ARSF: variants seen among roughly 807,000 people sequenced by gnomAD.
ARSF encodes arylsulfatase F.
ARSF carries 33 observed loss-of-function variants against 35.4 expected under a neutral mutation model. That is an observed-to-expected ratio of 0.93 (90% CI 0.71 to 1.25). The LOEUF (loss-of-function observed/expected upper bound fraction) is 1.25, where lower values mean the gene tolerates loss of function less well. ARSF is among the 50% of genes most tolerant of loss of function. The pLI, the probability that ARSF is intolerant of heterozygous loss-of-function variation, is 0.00. For missense variants in ARSF, 501 were observed against 480.2 expected, an observed-to-expected ratio of 1.04 and a Z score of -0.40; for synonymous variants, 222 against 193.1, an observed-to-expected ratio of 1.15 and a Z score of -1.24.
chrX:3,063,434 AGT>A (rs898171896), intron 1 of ARSF, among the ~76,000 whole-genome samples: 1 of 111,762 alleles, frequency 8.9e-6, no homozygotes, highest in Non-Finnish European at 1.9e-5. Flanking sequence ...TATTCAACAT[AGT>A]GTTGGAAGTT....
Position 3,085,233 on chromosome X carries a change from T to C in ARSF, c.830+567T>C, listed in dbSNP as rs182080846. ...ATTGTTTACGTTAATTTACAATGCA[T>C]CTTGTCATCATGTTAACTTACAACA... On this transcript the variant is annotated intron_variant, in intron 6 of 10. Coordinates refer to ENST00000381127, the MANE Select transcript of ARSF (RefSeq NM_001201539.2). 1.2e-4 allele frequency among the ~76,000 whole-genome samples: 13 copies of C among 108,741 alleles called. No homozygotes were observed. The East Asian group carries it at 2.5e-3, about 21-fold the overall frequency. The allele number at this position is 108,741 out of a possible 115,157, so 94.4% of individuals were successfully genotyped here.
chrX:3,078,106 A>G (rs1220589208), intron 4 of ARSF, among the ~76,000 whole-genome samples: 2 of 109,986 alleles, frequency 1.8e-5, no homozygotes, highest in East Asian at 5.7e-4. Context: ...ACCCGGCCAT[A>G]TATCAATTTT....
In ARSF at chrX:3,060,373, G is replaced by C. The variant is rs188040129; in HGVS notation, c.-28-7700G>C. Among the ~76,000 whole-genome samples, 5 of 112,289 alleles carry C rather than the reference G, an allele frequency of 4.5e-5. No individual in the cohort carries two copies. In the East Asian group the frequency reaches 1.4e-3, roughly 32 times the overall value. On this transcript the variant is annotated intron_variant, in intron 1 of 10. Coordinates refer to ENST00000381127, the MANE Select transcript of ARSF (RefSeq NM_001201539.2). ...GATGGAGAGAAACCAGAGCAGAAAA[G>C]CTGAAAATTCTAAAAACCAGAGTGC...
chrX:3,111,251 G>A (rs1442036294), intron 10 of ARSF, among the ~76,000 whole-genome samples: 2 of 110,458 alleles, frequency 1.8e-5, no homozygotes, highest in Non-Finnish European at 3.8e-5. Context: ...ATCAATTCTA[G>A]GCAGACTAAA....
intron 3 of ARSF, among the ~76,000 whole-genome samples, chrX:3,074,941 C>T (rs964279255): frequency 3.5e-4 from 39 of 111,851 alleles, no homozygotes; most frequent in African/African-American, 1.3e-3. Context: ...TGAGATCATG[C>T]GGTATTTGTC....
intron 1 of ARSF, chrX:3,058,639 G>A (rs1341833589): frequency 9.3e-6 from 3 of 323,430 alleles, no homozygotes; most frequent in Non-Finnish European, 1.8e-5. Flanking sequence ...GATTCTTTGA[G>A]GCCAGGAGTT....
At chrX:3,112,092 C>T (rs1313477283) in intron 10 of ARSF, 82 bp from the exon 11 acceptor site, 10 of 877,621 alleles carry the variant, frequency 1.1e-5, no homozygotes, top group African/African-American at 4.1e-5. Flanking sequence ...GACTGGGGAC[C>T]CCTGCTATAG....
At chrX:3,043,929 G>A (rs1479722318) in intron 1 of ARSF, among the ~76,000 whole-genome samples, 1 of 110,842 alleles carries the variant, frequency 9.0e-6, no homozygotes, top group Non-Finnish European at 1.9e-5. Flanking sequence ...GGAACCACAG[G>A]TGCATACTAT....
chrX:3,075,903 A>C (rs866703215), intron 3 of ARSF, among the ~76,000 whole-genome samples: 4 of 53,362 alleles, frequency 7.5e-5, no homozygotes, highest in Admixed American at 2.1e-4. Context: ...CTCTCTCTGT[A>C]TCTCTCTCTG....
intron 7 of ARSF, among the ~76,000 whole-genome samples, chrX:3,098,567 C>T (rs1254178694): frequency 1.8e-5 from 2 of 110,632 alleles, no homozygotes; most frequent in Non-Finnish European, 3.8e-5. Flanking sequence ...AGGGGAAACT[C>T]CTTTTGCTTG....
At position 3,068,107 on chromosome X, in the gene ARSF, C is replaced by T. The variant is rs867626248; in HGVS notation, c.7C>T (p.Pro3Ser). 1.5e-5 allele frequency: 18 copies of T among 1,199,442 alleles called. No individual in the cohort carries two copies. The Admixed American group carries it at 3.1e-4, about 21-fold the overall frequency. MR[P>S]RRPLVFMSLV... ...AGGTATTCCAAGCTGCACAATGAGG[C>T]CCAGGTAGGTAAAGCCATATACTGC... Residue 3 changes from proline to serine, a missense_variant, in exon 2 of 11, where the codon CCC becomes TCC. By Grantham distance (74) the Pro-to-Ser change is moderately conservative. Transcript: ENST00000381127.
At chrX:3,085,243 A>G (rs938286267) in intron 6 of ARSF, among the ~76,000 whole-genome samples, 6 of 108,684 alleles carry the variant, frequency 5.5e-5, no homozygotes, top group African/African-American at 1.7e-4. Flanking sequence ...TCTTGTCATC[A>G]TGTTAACTTA....
Position 3,067,963 on chromosome X carries a change from C to G in ARSF, c.-28-110C>G, listed in dbSNP as rs753367884. ...AAATGTCGGAATTAGGGATATGGCT[C>G]ACAAGTCTAGTGTGAATTTCATGCT... On this transcript the variant is annotated intron_variant, in intron 1 of 10. Coordinates refer to ENST00000381127, the MANE Select transcript of ARSF (RefSeq NM_001201539.2). 35 of 513,286 alleles carry G rather than the reference C, an allele frequency of 6.8e-5. No homozygotes were observed. The African/African-American group carries it at 8.2e-4, about 12-fold the overall frequency. The allele number at this position is 513,286 out of a possible 1,213,427, so 42.3% of individuals were successfully genotyped here. A position where few individuals can be genotyped will look rare whatever the true frequency, so the allele number is the denominator to read the frequency against.
intron 3 of ARSF, among the ~76,000 whole-genome samples, chrX:3,075,069 GCAGA>G (rs2090136074): frequency 8.9e-6 from 1 of 112,109 alleles, no homozygotes. Flanking sequence ...TGCAACCTAT[GCAGA>G]CTGCAGGGAA....
chrX:3,049,145 C>T (rs182287581), intron 1 of ARSF, among the ~76,000 whole-genome samples: 6 of 112,581 alleles, frequency 5.3e-5, no homozygotes, highest in East Asian at 5.6e-4. Flanking sequence ...ATGTGGTCTG[C>T]GTACAGCTTG....
chrX:3,091,352 C>G (rs756885486), intron 7 of ARSF, among the ~76,000 whole-genome samples: 2 of 112,591 alleles, frequency 1.8e-5, no homozygotes, highest in East Asian at 2.8e-4. Flanking sequence ...ATCCAGTACC[C>G]TCATGAACTC....
chrX:3,098,061 C>CACAT (rs1282565959), intron 7 of ARSF, among the ~76,000 whole-genome samples: 1 of 106,915 alleles, frequency 9.4e-6, no homozygotes, highest in Non-Finnish European at 1.9e-5. Context: ...CACACACACA[C>CACAT]ACACACACAC....
intron 1 of ARSF, among the ~76,000 whole-genome samples, chrX:3,059,554 G>C (rs1249244486): frequency 8.9e-6 from 1 of 112,187 alleles, no homozygotes; most frequent in African/African-American, 3.2e-5. Flanking sequence ...GTGACAGACT[G>C]TACCTGGAAA....
chrX:3,067,976 T>G, intron 1 of ARSF, 97 bp from the exon 2 acceptor site: 1 of 609,316 alleles, frequency 1.6e-6, no homozygotes, highest in South Asian at 3.7e-5. Flanking sequence ...AAGTCTAGTG[T>G]GAATTTCATG....
Sources: gnomAD v4.1 joint callset for allele counts (sites outside exome capture counted in the v4.1 genomes callset) on GRCh38, gnomAD v4.1.1 for gene constraint, MANE v1.5 for transcripts, NCBI Gene and HGNC (gene_info 2026-07-23, HGNC 2026-07-21) for gene names.